The following MYH15 variants were observed in gnomAD, a reference collection of about 807,000 sequenced individuals.
MYH15 encodes myosin-15.
MYH15 carries 227 observed loss-of-function variants against 240.5 expected under a neutral mutation model. The observed-to-expected ratio is 0.94, with a 90% CI of 0.85 to 1.05. The LOEUF (loss-of-function observed/expected upper bound fraction) is 1.05, where lower values mean the gene tolerates loss of function less well. Among genes scored for constraint, MYH15 ranks in the 50% least tolerant of loss-of-function variants. The pLI is 0.00. For synonymous variants in MYH15, 785 were observed against 796.7 expected, an observed-to-expected ratio of 0.99 and a Z score of 0.25; for missense variants, 2,217 against 2,247.5, an observed-to-expected ratio of 0.99 and a Z score of 0.27.
chr3:108,454,276 G>A (rs1347249896), intron 20 of MYH15, 134 bp from the exon 21 acceptor site: 2 of 745,186 alleles, frequency 2.7e-6, no homozygotes, highest in East Asian at 2.9e-5. Flanking sequence ...TTTATTTAAT[G>A]TGTAAAATCT....
intron 3 of MYH15, among the ~76,000 whole-genome samples, chr3:108,501,273 T>TGG (rs1182721693): frequency 6.6e-6 from 1 of 152,216 alleles, no homozygotes. Context: ...CCATCATCAA[T>TGG]TTAAAGATGA....
intron 27 of MYH15, among the ~76,000 whole-genome samples, 183 bp from the exon 28 acceptor site, chr3:108,421,397 G>C (rs1229378000): frequency 6.6e-6 from 1 of 152,190 alleles, no homozygotes; most frequent in East Asian, 1.9e-4. Context: ...CTAGGGTCTG[G>C]ACCCCAAGAG....
intron 28 of MYH15, among the ~76,000 whole-genome samples, chr3:108,419,712 C>T (rs1296172222): frequency 6.6e-6 from 1 of 152,156 alleles, no homozygotes; most frequent in African/African-American, 2.4e-5. Flanking sequence ...TTCTAGATTT[C>T]CAGGTTTTTA....
intron 33 of MYH15, 43 bp from the exon 34 acceptor site, chr3:108,399,310 A>T: frequency 6.9e-7 from 1 of 1,452,684 alleles, no homozygotes; most frequent in South Asian, 1.2e-5. Context: ...TGACACATCC[A>T]AATTAATCAA....
At chr3:108,521,360 T>A (rs977941889) in intron 1 of MYH15, among the ~76,000 whole-genome samples, 1 of 151,972 alleles carries the variant, frequency 6.6e-6, no homozygotes, top group African/African-American at 2.4e-5. Flanking sequence ...CAAAGGACTT[T>A]CTGAACTTTT....
At chr3:108,477,424 A>G (rs530134517) in intron 11 of MYH15, among the ~76,000 whole-genome samples, 28 of 152,338 alleles carry the variant, frequency 1.8e-4, no homozygotes, top group Admixed American at 3.3e-4. Flanking sequence ...TTGAGAATAT[A>G]CTAATACCCA....
In MYH15 at chr3:108,454,052, G is replaced by A; in HGVS notation, c.2353C>T (p.Gln785Ter). ...AATTTGATTCGCATCAGTTTGCCCT[G>A]TGCTCTGGCTTGGAACAATGTGAAG... ...KVFTLFQARA[Q>*]GKLMRIKFQK... Residue 785 changes from glutamine (Q) to a stop codon, truncating the protein, a stop_gained, in exon 21 of 41, where the codon CAG (glutamine) becomes TAG (stop). Coordinates refer to ENST00000693548, the MANE Select transcript of MYH15 (RefSeq NM_014981.3). LOFTEE classifies it high-confidence loss of function. 1 of 1,612,968 alleles carries A rather than the reference G, an allele frequency of 6.2e-7. No homozygotes were observed. The highest frequency in any genetic ancestry group is 8.5e-7 in the Non-Finnish European group (1 of 1,179,324).
intron 21 of MYH15, among the ~76,000 whole-genome samples, chr3:108,447,512 G>C (rs2082938505): frequency 6.6e-6 from 1 of 151,934 alleles, no homozygotes; most frequent in African/African-American, 2.4e-5. Context: ...ATGAGACTAT[G>C]AGCAGATTTC....
At chr3:108,515,361 G>A (rs2083553330), upstream of MYH15, among the ~76,000 whole-genome samples, 1 of 152,150 alleles carries the variant, frequency 6.6e-6, no homozygotes, top group Non-Finnish European at 1.5e-5. Flanking sequence ...GGAGTCACAG[G>A]GATGAGGAGA....
rs777325938 is a variant in MYH15 at position 108,500,208 on chromosome 3, C to T, written c.406G>A (p.Val136Ile). The T allele has an allele frequency of 6.2e-7, 1 of 1,614,090 alleles. No individual in the cohort carries two copies. The highest frequency in any genetic ancestry group is 1.1e-5 in the South Asian group (1 of 91,076). ...CTCTTCCCTTTGTAGGCGGCCATGA[C>T]TTCTTTCTGATACACGGGAAGCCAT... ...YKWLPVYQKE[V>I]MAAYKGKRRS... is the part of the protein sequence containing the mutation. The change falls in exon 4 of 41, where the codon GTC becomes ATC. Residue 136 changes from valine to isoleucine, a missense_variant. Physicochemically the swap from Val to Ile is conservative, Grantham distance 29 (BLOSUM62 3). Coordinates refer to ENST00000693548, the MANE Select transcript of MYH15 (RefSeq NM_014981.3).
At chr3:108,448,691 A>G (rs1257994675) in intron 21 of MYH15, among the ~76,000 whole-genome samples, 6 of 152,096 alleles carry the variant, frequency 3.9e-5, no homozygotes, top group African/African-American at 1.2e-4. Context: ...ATCATACTTA[A>G]TGGTGAAAAA....
At chr3:108,492,195 C>T (rs888009240) in intron 9 of MYH15, among the ~76,000 whole-genome samples, 18 of 107,306 alleles carry the variant, frequency 1.7e-4, no homozygotes, top group African/African-American at 7.0e-4. Context: ...TAAATTAATG[C>T]TTTTATACAC....
chr3:108,510,676 A>G (rs2083515974), upstream of MYH15: 4 of 1,303,722 alleles, frequency 3.1e-6, no homozygotes, highest in South Asian at 1.5e-5. Flanking sequence ...GATAGACTAA[A>G]GAGTGTTAAG....
chr3:108,517,298 C>T (rs2083581150), intron 1 of MYH15, among the ~76,000 whole-genome samples: 1 of 152,172 alleles, frequency 6.6e-6, no homozygotes, highest in African/African-American at 2.4e-5. Context: ...GATCTCTGCA[C>T]TGAGCTATTC....
At chr3:108,445,622 A>C (rs2082920828) in intron 21 of MYH15, among the ~76,000 whole-genome samples, 1 of 152,198 alleles carries the variant, frequency 6.6e-6, no homozygotes, top group Non-Finnish European at 1.5e-5. Flanking sequence ...GTTCTCCTAC[A>C]TAAGGCCCCC....
intron 27 of MYH15, among the ~76,000 whole-genome samples, chr3:108,424,607 T>C (rs527532470): frequency 1.3e-5 from 2 of 152,266 alleles, no homozygotes; most frequent in African/African-American, 4.8e-5. Flanking sequence ...ATCAAGATAA[T>C]TGTGAAATTT....
intron 1 of MYH15, among the ~76,000 whole-genome samples, chr3:108,507,947 A>G (rs2083490839): frequency 6.6e-6 from 1 of 152,156 alleles, no homozygotes; most frequent in African/African-American, 2.4e-5. Context: ...AAATGTTATC[A>G]CTTGAAAGAA....
Position 108,398,699 on chromosome 3 carries a change from G to A in MYH15, c.5071C>T (p.Arg1691Cys), listed in dbSNP as rs764524701. Residue 1691 changes from arginine to cysteine, a missense_variant, in exon 35 of 41, where the codon CGC becomes TGC. Transcript: ENST00000693548. ...AGGAGCTCTTCTTCTGACAGCCTGC[G>A]GCCACGCTCTGTCTGCTCTTGCAGG... Reference protein sequence around the residue: ...RSLQEQTERGRRLSEEELLEA... With the variant: ...RSLQEQTERGCRLSEEELLEA... The A allele has an allele frequency of 2.5e-5, 40 of 1,613,932 alleles. No individual in the cohort carries two copies. The highest frequency in any genetic ancestry group is 6.7e-5 in the East Asian group (3 of 44,882).
intron 25 of MYH15, among the ~76,000 whole-genome samples, chr3:108,431,257 G>C (rs922676561): frequency 2.0e-5 from 3 of 152,162 alleles, no homozygotes; most frequent in African/African-American, 7.2e-5. Flanking sequence ...ACCTACATCT[G>C]AAGTTTTCTT....
Sources: allele counts gnomAD v4.1 joint callset (sites outside exome capture counted in the v4.1 genomes callset), GRCh38; gene constraint gnomAD v4.1.1; transcripts MANE v1.5; gene names NCBI Gene and HGNC (gene_info 2026-07-23, HGNC 2026-07-21).